ITGB2: variants seen among roughly 807,000 people sequenced by gnomAD.
The protein encoded by ITGB2 is integrin beta-2.
Under a neutral mutation model 86.8 loss-of-function variants are expected in ITGB2, and 56 were observed. The observed-to-expected ratio is 0.65, with a 90% CI of 0.52 to 0.81. The LOEUF is 0.81. ITGB2 is among the 30% of genes least tolerant of loss of function. ITGB2 has a pLI of 0.00. For missense variants in ITGB2, 948 were observed against 1,061.2 expected (o/e 0.89, Z 1.48); for synonymous variants, 457 against 450.4 (o/e 1.01, Z -0.19).
chr21:44,909,135 C>A (rs1479702062), intron 3 of ITGB2, among the ~76,000 whole-genome samples: 1 of 152,190 alleles, frequency 6.6e-6, no homozygotes, highest in Non-Finnish European at 1.5e-5. Context: ...CCTGCGGGTG[C>A]GATTTGATGA....
At chr21:44,904,980 T>A (rs1568896730) in intron 4 of ITGB2, among the ~76,000 whole-genome samples, 1 of 152,212 alleles carries the variant, frequency 6.6e-6, no homozygotes, top group Non-Finnish European at 1.5e-5. Context: ...CCCCAATCAC[T>A]TTCTATGAAG....
intron 8 of ITGB2, among the ~76,000 whole-genome samples, chr21:44,896,953 G>A (rs1334486023): frequency 6.6e-6 from 1 of 152,206 alleles, no homozygotes; most frequent in African/African-American, 2.4e-5. Context: ...GTGAGGAGGG[G>A]ACCGTCATGG....
intron 8 of ITGB2, 151 bp downstream of exon 8, chr21:44,898,916 C>T (rs1035479965): frequency 1.7e-5 from 12 of 718,832 alleles, no homozygotes; most frequent in African/African-American, 1.6e-4. Flanking sequence ...GCCTCGGGCT[C>T]CTCACCTAGG....
At chr21:44,900,171 C>T in intron 7 of ITGB2, 149 bp downstream of exon 7, 1 of 1,076,588 alleles carries the variant, frequency 9.3e-7, no homozygotes, top group South Asian at 1.4e-5. Flanking sequence ...GGGGAGACCC[C>T]ACGCTGCCAC....
intron 1 of ITGB2, chr21:44,926,663 G>C (rs1291522288): frequency 6.6e-6 from 1 of 152,322 alleles, no homozygotes; most frequent in Non-Finnish European, 1.5e-5. Flanking sequence ...CAACTGCTCA[G>C]GGTTTCTCAT....
chr21:44,889,834 G>T (rs79468238), intron 12 of ITGB2, 144 bp downstream of exon 12: 52 of 1,233,272 alleles, frequency 4.2e-5, no homozygotes, highest in Non-Finnish European at 6.0e-5. Flanking sequence ...TCCTGCTGAC[G>T]CCCGGTGGCT....
intron 3 of ITGB2, chr21:44,908,134 G>A (rs768100646): frequency 1.4e-5 from 10 of 736,634 alleles, no homozygotes; most frequent in East Asian, 2.6e-5. Flanking sequence ...CTTCTCCTCC[G>A]GGGACTGCTC....
rs2083765900 is a variant in ITGB2, at chr21:44,890,140, T to G, written c.1495A>C (p.Lys499Gln). The G allele has an allele frequency of 6.2e-7, 1 of 1,613,428 alleles. No homozygotes were observed. The highest frequency in any genetic ancestry group is 1.3e-5 in the African/African-American group (1 of 75,026). The change falls in exon 12 of 16, where the codon AAG becomes CAG. Residue 499 changes from lysine to glutamine, a missense_variant. Transcript: ENST00000652462. ...GAGCAGATGATGGAGTTGTTGTCCT[T>G]CCGGCAGCTTCCTTCCAGCTCCTGG... ...SSQELEGSCR[K>Q]DNNSIICSGL...
chr21:44,910,895 T>A, intron 1 of ITGB2, 110 bp from the exon 2 acceptor site: 2 of 1,107,638 alleles, frequency 1.8e-6, no homozygotes, highest in Non-Finnish European at 2.7e-6. Flanking sequence ...GCCCTGTCCC[T>A]GCTGCAGGGG....
At chr21:44,899,512 G>A (rs1470168758) in intron 7 of ITGB2, among the ~76,000 whole-genome samples, 2 of 152,054 alleles carry the variant, frequency 1.3e-5, no homozygotes. Flanking sequence ...ATGAGTGTCA[G>A]GTGCGGCTCT....
chr21:44,886,503 C>A, intron 15 of ITGB2, 73 bp from the exon 16 acceptor site: 1 of 1,521,950 alleles, frequency 6.6e-7, no homozygotes, highest in Non-Finnish European at 9.1e-7. Flanking sequence ...CCTGAGGACA[C>A]TCCCCGCATG....
At chr21:44,895,485 G>A (rs913197344) in intron 8 of ITGB2, among the ~76,000 whole-genome samples, 13 of 151,476 alleles carry the variant, frequency 8.6e-5, no homozygotes, top group African/African-American at 1.2e-4. Context: ...AGCTGAGATC[G>A]CACCACTGCA....
rs991741608 is a variant in ITGB2 at position 44,920,603 on chromosome 21, G to A, written c.-4+218C>T. Among the ~76,000 whole-genome samples, 24 of 152,190 alleles carry A rather than the reference G, an allele frequency of 1.6e-4. No homozygotes were observed. The Middle Eastern group carries it at 0.014, about 86-fold the overall frequency. Reference sequence around the variant, plus strand: ...GCCGGCCCCATCCTCAGCCGCAAGCGCTCCCAGCACACCATGTGGCTCTGC... The same window carrying A: ...GCCGGCCCCATCCTCAGCCGCAAGCACTCCCAGCACACCATGTGGCTCTGC... On this transcript the variant is annotated intron_variant, in intron 1 of 15. Coordinates refer to ENST00000652462, the MANE Select transcript of ITGB2 (RefSeq NM_000211.5).
chr21:44,894,826 G>A (rs1445511430), intron 9 of ITGB2, 145 bp downstream of exon 9: 17 of 701,934 alleles, frequency 2.4e-5, no homozygotes, highest in Non-Finnish European at 4.4e-5. Context: ...AGGCCTGAGG[G>A]CAGGTCGGGA....
At chr21:44,896,090 T>C (rs987345032) in intron 8 of ITGB2, among the ~76,000 whole-genome samples, 4 of 151,682 alleles carry the variant, frequency 2.6e-5, no homozygotes, top group Non-Finnish European at 2.9e-5. Flanking sequence ...TGAGTGATCC[T>C]GCCTGCGGTG....
At chr21:44,920,604 C>T (rs1232406377) in intron 1 of ITGB2, among the ~76,000 whole-genome samples, 1 of 152,196 alleles carries the variant, frequency 6.6e-6, no homozygotes, top group Non-Finnish European at 1.5e-5. Flanking sequence ...GCCGCAAGCG[C>T]TCCCAGCACA....
At chr21:44,924,492 T>C (rs186191049), upstream of ITGB2, among the ~76,000 whole-genome samples, 31 of 152,098 alleles carry the variant, frequency 2.0e-4, no homozygotes, top group Non-Finnish European at 3.4e-4. Flanking sequence ...ATTTGGCAGG[T>C]AGAGAATTTG....
At chr21:44,919,027 G>GAGCGTCCCCT (rs1568909693) in intron 1 of ITGB2, among the ~76,000 whole-genome samples, 1 of 146,510 alleles carries the variant, frequency 6.8e-6, no homozygotes, top group African/African-American at 2.6e-5. Context: ...GGAGGCACCT[G>GAGCGTCCCCT]CAGTTGCTCA....
At chr21:44,893,050 G>A (rs765753883) in intron 10 of ITGB2, 11 of 328,144 alleles carry the variant, frequency 3.4e-5, no homozygotes, top group Non-Finnish European at 6.0e-5. Context: ...GGACTCTTGG[G>A]GGCCAAGGCG....
Sources: gnomAD v4.1 joint callset for allele counts (sites outside exome capture counted in the v4.1 genomes callset) on GRCh38, gnomAD v4.1.1 for gene constraint, MANE v1.5 for transcripts, NCBI Gene and HGNC (gene_info 2026-07-23, HGNC 2026-07-21) for gene names.